CDC123: variants seen among roughly 807,000 people sequenced by gnomAD.
CDC123 encodes the protein translation initiation factor eIF2 assembly protein.
Under a neutral mutation model 54.4 loss-of-function variants are expected in CDC123, and 37 were observed. That is an observed-to-expected ratio of 0.68 (90% CI 0.52 to 0.89). The LOEUF (loss-of-function observed/expected upper bound fraction) is 0.89, where lower values mean the gene tolerates loss of function less well. Among genes scored for constraint, CDC123 ranks in the 40% least tolerant of loss-of-function variants. CDC123 has a pLI of 0.00. For synonymous variants in CDC123, 144 were observed against 136.8 expected, an observed-to-expected ratio of 1.05 and a Z score of -0.37; for missense variants, 361 against 412.1, an observed-to-expected ratio of 0.88 and a Z score of 1.07.
At chr10:12,220,794 G>A (rs968238617) in intron 6 of CDC123, among the ~76,000 whole-genome samples, 4 of 152,094 alleles carry the variant, frequency 2.6e-5, no homozygotes, top group Admixed American at 6.6e-5. Flanking sequence ...TGGCTAACAC[G>A]GTGAAACCCC....
intron 1 of CDC123, among the ~76,000 whole-genome samples, chr10:12,198,095 G>T (rs1289643595): frequency 6.6e-6 from 1 of 152,154 alleles, no homozygotes; most frequent in Non-Finnish European, 1.5e-5. Flanking sequence ...GTTTTTAAGA[G>T]ACTTCAGGTA....
chr10:12,246,195 A>AT lies in CDC123; in HGVS notation c.766dup (p.Ser256PhefsTer12), dbSNP rs1836133701. 6.2e-7 allele frequency: 1 copy of AT among 1,614,022 alleles called. No homozygotes were observed. The highest frequency in any genetic ancestry group is 8.5e-7 in the Non-Finnish European group (1 of 1,179,864). On this transcript the variant is annotated frameshift_variant, in exon 11 of 13. Coordinates refer to ENST00000281141, the MANE Select transcript of CDC123 (RefSeq NM_006023.3). LOFTEE classifies it high-confidence loss of function. Reference sequence around the variant, plus strand: ...TTTAATCCATTTGGTGAAGTCACAGATTCACTGCTGTTCACCTGGGAAGAA... The same window carrying AT: ...TTTAATCCATTTGGTGAAGTCACAGATTTCACTGCTGTTCACCTGGGAAGAA...
At chr10:12,248,524 G>C (rs1836190887) in intron 11 of CDC123, among the ~76,000 whole-genome samples, 1 of 150,392 alleles carries the variant, frequency 6.6e-6, no homozygotes, top group Non-Finnish European at 1.5e-5. Context: ...AAAAAAAACA[G>C]GCCAGGTGCG....
intron 1 of CDC123, 139 bp downstream of exon 1, chr10:12,196,458 C>G: frequency 8.6e-7 from 1 of 1,156,928 alleles, no homozygotes; most frequent in Non-Finnish European, 1.2e-6. Flanking sequence ...AGTACATCAG[C>G]AATTGTCTGC....
At position 12,202,868 on chromosome 10, in the gene CDC123, A is replaced by G. The variant is rs1331793576; in HGVS notation, c.146+4092A>G. On this transcript the variant is annotated intron_variant, in intron 2 of 12. Coordinates refer to ENST00000281141, the MANE Select transcript of CDC123 (RefSeq NM_006023.3). Reference sequence around the variant, plus strand: ...CATCTCTACTAAAAATACAGAACTTAGCCAGACGTGGTGGCGCACTCCTGT... The same window carrying G: ...CATCTCTACTAAAAATACAGAACTTGGCCAGACGTGGTGGCGCACTCCTGT... Among the ~76,000 whole-genome samples the G allele has an allele frequency of 2.0e-5, 3 of 152,172 alleles. No individual in the cohort carries two copies. The East Asian group carries it at 5.8e-4, about 29-fold the overall frequency.
chr10:12,199,071 C>T (rs918241454), intron 2 of CDC123, among the ~76,000 whole-genome samples: 3 of 152,142 alleles, frequency 2.0e-5, no homozygotes, highest in African/African-American at 4.8e-5. Flanking sequence ...GGGGGAAGTA[C>T]ATATTAAAAT....
At chr10:12,225,501 C>T (rs972452057) in intron 6 of CDC123, among the ~76,000 whole-genome samples, 2 of 151,994 alleles carry the variant, frequency 1.3e-5, no homozygotes, top group Non-Finnish European at 2.9e-5. Flanking sequence ...TCATCTCATT[C>T]CACTCTCTCA....
At chr10:12,200,351 C>T (rs1444864681) in intron 2 of CDC123, among the ~76,000 whole-genome samples, 1 of 151,550 alleles carries the variant, frequency 6.6e-6, no homozygotes, top group Non-Finnish European at 1.5e-5. Flanking sequence ...GTCTTGAACT[C>T]CTGACCTCAG....
Position 12,231,625 on chromosome 10 carries a change from CAAAAAA to C in CDC123, c.489+643_489+648del, listed in dbSNP as rs368800002. On this transcript the variant is annotated intron_variant, in intron 7 of 12. Coordinates refer to ENST00000281141, the MANE Select transcript of CDC123 (RefSeq NM_006023.3). ...GGGCCACAAAAGTGAAACTCCGTCT[CAAAAAA>C]AAAAAAAAAAAAAGAATAAGAGGAT... is the stretch of plus-strand genomic sequence containing the variant. Among the ~76,000 whole-genome samples the C allele has an allele frequency of 4.0e-3, 306 of 77,288 alleles. 1 individual carries two copies. Among genetic ancestry groups the C allele is most frequent in the South Asian group, 9.6e-3 (20 of 2,076 alleles). The allele number at this position is 77,288 out of a possible 152,430, so 50.7% of individuals were successfully genotyped here.
chr10:12,210,132 T>C (rs1835577889), intron 3 of CDC123, 108 bp downstream of exon 3: 1 of 1,449,442 alleles, frequency 6.9e-7, no homozygotes, highest in Non-Finnish European at 9.5e-7. Flanking sequence ...AATGAGAAAT[T>C]ACGTGAGAAT....
intron 1 of CDC123, among the ~76,000 whole-genome samples, chr10:12,198,264 C>T (rs1835392567): frequency 6.6e-6 from 1 of 152,148 alleles, no homozygotes; most frequent in Admixed American, 6.5e-5. Context: ...CACTGCCAAC[C>T]CAAGAATGGT....
At chr10:12,243,570 C>T (rs368593573) in intron 10 of CDC123, among the ~76,000 whole-genome samples, 150 of 152,060 alleles carry the variant, frequency 9.9e-4, no homozygotes, top group South Asian at 5.4e-3. Flanking sequence ...AGGCAGATCA[C>T]GAGGTCAGGA....
chr10:12,228,831 A>G (rs1588678813), intron 6 of CDC123, among the ~76,000 whole-genome samples: 2 of 151,880 alleles, frequency 1.3e-5, no homozygotes, highest in South Asian at 2.1e-4. Flanking sequence ...CGGCCTCCCA[A>G]AGTGCTGGGA....
At position 12,237,172 on chromosome 10, in the gene CDC123, C is replaced by T. The variant is rs1835989102; in HGVS notation, c.594C>T (p.Tyr198=). 1 of 1,573,606 alleles carries T rather than the reference C, an allele frequency of 6.4e-7. No individual in the cohort carries two copies. ...IGISQRDYTQ[Y]YDHISKQKEE... ...TTTCTCAAAGAGACTACACACAATA[C>T]TATGATCATATTTCTAAACAAAAGG... Residue 198 remains tyrosine, a synonymous_variant, in exon 9 of 13, where the codon TAC becomes TAT. Transcript: ENST00000281141.
At chr10:12,240,293 A>G (rs1025381063) in intron 10 of CDC123, among the ~76,000 whole-genome samples, 1 of 152,164 alleles carries the variant, frequency 6.6e-6, no homozygotes, top group Non-Finnish European at 1.5e-5. Context: ...GCTCTTTGAC[A>G]TTGTGAAGAA....
chr10:12,200,753 T>G (rs913618457), intron 2 of CDC123, among the ~76,000 whole-genome samples: 69 of 152,202 alleles, frequency 4.5e-4, no homozygotes, highest in Admixed American at 3.9e-3. Context: ...ACCAACATGG[T>G]GAAACCTCAT....
intron 4 of CDC123, among the ~76,000 whole-genome samples, chr10:12,213,505 A>G (rs1835629156): frequency 6.6e-6 from 1 of 152,180 alleles, no homozygotes; most frequent in South Asian, 2.1e-4. Context: ...GGACCTGACA[A>G]CTAGATTTAG....
chr10:12,249,413 G>A (rs1002235608), intron 11 of CDC123, among the ~76,000 whole-genome samples, 168 bp from the exon 12 acceptor site: 3 of 152,216 alleles, frequency 2.0e-5, no homozygotes, highest in African/African-American at 4.8e-5. Context: ...AATTACAGAC[G>A]TGAGCCACCG....
chr10:12,217,950 G>A (rs1835683297), intron 6 of CDC123, among the ~76,000 whole-genome samples: 1 of 152,064 alleles, frequency 6.6e-6, no homozygotes, highest in Non-Finnish European at 1.5e-5. Flanking sequence ...TTAGCCGGGC[G>A]TGGTGGCACG....
Sources: gnomAD v4.1 joint callset for allele counts (sites outside exome capture counted in the v4.1 genomes callset) on GRCh38, gnomAD v4.1.1 for gene constraint, MANE v1.5 for transcripts, NCBI Gene and HGNC (gene_info 2026-07-23, HGNC 2026-07-21) for gene names.